The following SLC6A19 variants were observed in gnomAD, a reference collection of about 807,000 sequenced individuals.
The protein encoded by SLC6A19 is solute carrier family 6 member 19, also known as sodium-dependent neutral amino acid transporter B(0)AT1.
Under a neutral mutation model 68.3 loss-of-function variants are expected in SLC6A19, and 67 were observed. The observed-to-expected ratio is 0.98, with a 90% CI of 0.81 to 1.20. SLC6A19 has a LOEUF of 1.20. Ranked by LOEUF, SLC6A19 falls within the 50% of genes most tolerant of loss-of-function variation. The pLI is 0.00. For synonymous variants in SLC6A19, 392 were observed against 374.9 expected (o/e 1.05, Z -0.53); for missense variants, 813 against 851.6 (o/e 0.95, Z 0.56).
In SLC6A19 at chr5:1,213,971, C is replaced by CCGGA; in HGVS notation, c.795_798dup (p.Thr267GlyfsTer87). The CCGGA allele has an allele frequency of 1.2e-6, 2 of 1,613,450 alleles. No homozygotes were observed. The highest frequency in any genetic ancestry group is 1.7e-6 in the Non-Finnish European group (2 of 1,180,002). On this transcript the variant is annotated frameshift_variant, in exon 6 of 12. Coordinates refer to ENST00000304460, the MANE Select transcript of SLC6A19 (RefSeq NM_001003841.3). LOFTEE classifies it high-confidence loss of function. ...GGCGCAGGTCACGGAGCTGGCCCAGCCGGACACCTGGCTGGACGCGGGCGC... is the reference window on the plus strand; with the variant it reads ...GGCGCAGGTCACGGAGCTGGCCCAGCCGGACGGACACCTGGCTGGACGCGGGCGC...
rs1465576975 is a variant in SLC6A19 at position 1,214,001 on chromosome 5, GTCT to G, written c.830_832del (p.Phe277del). ...CACCTGGCTGGACGCGGGCGCACAG[GTCT>G]TCTTCTCCTTCTCCCTGGCCTTCGG... is the stretch of plus-strand genomic sequence containing the variant. On this transcript the variant is annotated inframe_deletion, in exon 6 of 12. Coordinates refer to ENST00000304460, the MANE Select transcript of SLC6A19 (RefSeq NM_001003841.3). This position sits in a 1 kb window ranked among gnomAD's most constrained non-coding sequence, Gnocchi z 7.4. 3.1e-6 allele frequency: 5 copies of G among 1,613,592 alleles called. No homozygotes were observed. Among genetic ancestry groups the G allele is most frequent in the African/African-American group, 2.7e-5 (2 of 74,942 alleles).
chr5:1,204,416 C>G (rs982099462), intron 1 of SLC6A19, among the ~76,000 whole-genome samples: 3 of 152,210 alleles, frequency 2.0e-5, no homozygotes, highest in African/African-American at 7.2e-5. Flanking sequence ...CGGAGCCCCC[C>G]GAGGGTGGTG....
chr5:1,211,367 C>T (rs1156628249), intron 3 of SLC6A19, among the ~76,000 whole-genome samples: 1 of 152,224 alleles, frequency 6.6e-6, no homozygotes, highest in East Asian at 1.9e-4. Flanking sequence ...CAGAGAGGCC[C>T]ACAGTGGTGA....
intron 2 of SLC6A19, 70 bp downstream of exon 2, chr5:1,208,956 C>A: frequency 1.3e-6 from 2 of 1,541,038 alleles, no homozygotes; most frequent in Non-Finnish European, 1.7e-6. Flanking sequence ...CCACCCGGGC[C>A]CAGGGTTCGC....
intron 1 of SLC6A19, among the ~76,000 whole-genome samples, chr5:1,205,953 C>T (rs1433972627): frequency 4.6e-5 from 7 of 152,188 alleles, no homozygotes; most frequent in African/African-American, 1.4e-4. Flanking sequence ...CAGCATCCCG[C>T]CAGCCCACCC....
At chr5:1,216,428 C>A (rs116593961) in intron 6 of SLC6A19, 130 bp from the exon 7 acceptor site, 10 of 1,366,640 alleles carry the variant, frequency 7.3e-6, no homozygotes, top group Middle Eastern at 2.3e-4. Flanking sequence ...GACTGCCTCC[C>A]CGTGTCACTC....
At position 1,209,556 on chromosome 5, in the gene SLC6A19, G is replaced by A. The variant is rs928478182; in HGVS notation, c.343+670G>A. On this transcript the variant is annotated intron_variant, in intron 2 of 11. Transcript: ENST00000304460. This position sits in a 1 kb window ranked among gnomAD's most constrained non-coding sequence, Gnocchi z 5.5. Reference sequence around the variant, plus strand: ...CCCAGGGCAGAGCCCACACCCTCTCGCTGAGTATCCAAGACCTCCCTCCTC... The same window carrying A: ...CCCAGGGCAGAGCCCACACCCTCTCACTGAGTATCCAAGACCTCCCTCCTC... Among the ~76,000 whole-genome samples, 1 of 151,942 alleles carries A rather than the reference G, an allele frequency of 6.6e-6. No homozygotes were observed. Among genetic ancestry groups the A allele is most frequent in the Non-Finnish European group, 1.5e-5 (1 of 67,968 alleles).
Position 1,213,526 on chromosome 5 carries a change from A to G in SLC6A19, c.727A>G (p.Thr243Ala), listed in dbSNP as rs1328023090. ...GACCATCTTCCTCATCCGAGGCCTG[A>G]CGCTGAAGGGCGCCACCAATGGCAT... ...VLTIFLIRGL[T>A]LKGATNGIVF... Residue 243 changes from threonine (T) to alanine (A), a missense_variant, in exon 5 of 12, where the codon ACG (threonine) becomes GCG (alanine). By Grantham distance (58) the Thr-to-Ala change is moderately conservative (BLOSUM62 0). Coordinates refer to ENST00000304460, the MANE Select transcript of SLC6A19 (RefSeq NM_001003841.3). 3 of 1,610,174 alleles carry G rather than the reference A, an allele frequency of 1.9e-6. No individual in the cohort carries two copies. The highest frequency in any genetic ancestry group is 2.5e-6 in the Non-Finnish European group (3 of 1,179,196).
Position 1,219,460 on chromosome 5 carries a change from G to A in SLC6A19, c.1379-45G>A, listed in dbSNP as rs368747278. 2.1e-5 allele frequency: 34 copies of A among 1,604,716 alleles called. No individual in the cohort carries two copies. In the African/African-American group the frequency reaches 2.4e-4, roughly 11 times the overall value. On this transcript the variant is annotated intron_variant, in intron 9 of 11. Coordinates refer to ENST00000304460, the MANE Select transcript of SLC6A19 (RefSeq NM_001003841.3). ...TGAACAGCTCTGTCCCTGGCCGTGC[G>A]TGCAGCCCCTGGGCGTGTGAGCAGC...
intron 1 of SLC6A19, among the ~76,000 whole-genome samples, chr5:1,206,769 G>A (rs1745865340): frequency 6.6e-6 from 1 of 152,256 alleles, no homozygotes; most frequent in East Asian, 1.9e-4. Context: ...TGGGACCCCA[G>A]TGTCATGTGA....
chr5:1,208,826 C>T lies in SLC6A19; in HGVS notation c.283C>T (p.Arg95Trp), dbSNP rs139182948. Residue 95 changes from arginine (R) to tryptophan (W), a missense_variant, in exon 2 of 12, where the codon CGG becomes TGG. Physicochemically the swap from Arg to Trp is moderately radical, Grantham distance 101. Coordinates refer to ENST00000304460, the MANE Select transcript of SLC6A19 (RefSeq NM_001003841.3). ...LLYLEFAIGQ[R>W]LRRGSLGVWS... is the part of the protein sequence containing the mutation. Reference sequence around the variant, plus strand: ...GTACCTGGAGTTCGCCATCGGGCAGCGGCTGCGGCGGGGCAGCCTGGGTGT... The same window carrying T: ...GTACCTGGAGTTCGCCATCGGGCAGTGGCTGCGGCGGGGCAGCCTGGGTGT... 2.0e-5 allele frequency: 33 copies of T among 1,613,194 alleles called. 1 individual carries two copies. In the Admixed American group the frequency reaches 3.0e-4, roughly 15 times the overall value.
At chr5:1,208,251 A>G (rs1745910086) in intron 1 of SLC6A19, among the ~76,000 whole-genome samples, 1 of 152,182 alleles carries the variant, frequency 6.6e-6, no homozygotes, top group Non-Finnish European at 1.5e-5. Flanking sequence ...CCCCACAGGC[A>G]TGCCAAATCC....
chr5:1,212,309 T>A lies in SLC6A19; in HGVS notation c.488T>A (p.Val163Glu). 2 of 1,613,434 alleles carry A rather than the reference T, an allele frequency of 1.2e-6. No individual in the cohort carries two copies. Among genetic ancestry groups the A allele is most frequent in the Non-Finnish European group, 1.7e-6 (2 of 1,179,920 alleles). ...TGAATGGCCCTCTCCCCAGGGTATG[T>A]GGACGAGTGCGCCAGGAGCTCCCCT... ...CPLNENQTGY[V>E]DECARSSPVD... Residue 163 changes from valine to glutamate, a missense_variant, in exon 4 of 12, where the codon GTG (valine) becomes GAG (glutamate). By Grantham distance (121) the Val-to-Glu change is moderately radical. Transcript: ENST00000304460. This position sits in a 1 kb window ranked among gnomAD's most constrained non-coding sequence, Gnocchi z 5.1.
At position 1,213,474 on chromosome 5, in the gene SLC6A19, C is replaced by T. The variant is rs1278767684; in HGVS notation, c.675C>T (p.Ile225=). The change falls in exon 5 of 12, where the codon ATC becomes ATT. Residue 225 remains isoleucine, a synonymous_variant. Transcript: ENST00000304460. ...GIETTGKAVY[I]TSTLPYVVLT... Reference sequence around the variant, plus strand: ...CCCGCCCTCCGCAGGCCGTGTACATCACCTCCACGCTGCCCTATGTCGTCC... The same window carrying T: ...CCCGCCCTCCGCAGGCCGTGTACATTACCTCCACGCTGCCCTATGTCGTCC... 1 of 1,532,936 alleles carries T rather than the reference C, an allele frequency of 6.5e-7. No individual in the cohort carries two copies. The highest frequency in any genetic ancestry group is 1.8e-5 in the Admixed American group (1 of 56,368). The allele number at this position is 1,532,936 out of a possible 1,614,324, so 95.0% of individuals were successfully genotyped here. A position where few individuals can be genotyped will look rare whatever the true frequency, so the allele number is the denominator to read the frequency against.
chr5:1,206,032 G>A (rs1273634736), intron 1 of SLC6A19, among the ~76,000 whole-genome samples: 1 of 152,230 alleles, frequency 6.6e-6, no homozygotes, highest in African/African-American at 2.4e-5. Context: ...TGGAACCCCA[G>A]CTCAGAGAGA....
chr5:1,201,919 C>G, intron 1 of SLC6A19, 67 bp downstream of exon 1: 1 of 1,538,912 alleles, frequency 6.5e-7, no homozygotes, highest in East Asian at 2.4e-5. Flanking sequence ...CGCAGAGGCC[C>G]TGGGCAGACA....
intron 1 of SLC6A19, 140 bp from the exon 2 acceptor site, chr5:1,208,606 C>T (rs1745922207): frequency 8.8e-7 from 1 of 1,130,732 alleles, no homozygotes; most frequent in Non-Finnish European, 1.3e-6. Flanking sequence ...CATGGACTGG[C>T]TGCTCCATCT....
chr5:1,219,686 G>A, intron 10 of SLC6A19, 22 bp downstream of exon 10: 4 of 1,601,578 alleles, frequency 2.5e-6, no homozygotes, highest in Non-Finnish European at 3.4e-6. Context: ...GGTGGGGACA[G>A]GTGCCTCTAA....
In SLC6A19 at chr5:1,219,072, T is replaced by A; in HGVS notation, c.1343T>A (p.Val448Asp). ...GTTGTGCCCCTGCAGGACCTCAGAGTCATCCCCCCGAAGTGGCCCAAGGAG... is the reference window on the plus strand; with the variant it reads ...GTTGTGCCCCTGCAGGACCTCAGAGACATCCCCCCGAAGTGGCCCAAGGAG... ...GVVVPLQDLR[V>D]IPPKWPKEVL... The change falls in exon 9 of 12, where the codon GTC becomes GAC. Residue 448 changes from valine (V) to aspartate (D), a missense_variant. Transcript: ENST00000304460. 2 of 1,613,826 alleles carry A rather than the reference T, an allele frequency of 1.2e-6. No individual in the cohort carries two copies. Among genetic ancestry groups the A allele is most frequent in the Non-Finnish European group, 1.7e-6 (2 of 1,179,932 alleles).
Sources: allele counts gnomAD v4.1 joint callset (sites outside exome capture counted in the v4.1 genomes callset), GRCh38; gene constraint gnomAD v4.1.1; non-coding constraint Gnocchi (gnomAD v3.1); transcripts MANE v1.5; gene names NCBI Gene and HGNC (gene_info 2026-07-23, HGNC 2026-07-21).